The following ANHX variants were observed in gnomAD, a reference collection of about 807,000 sequenced individuals.
ANHX encodes anomalous homeobox.
Under a neutral mutation model 38.9 loss-of-function variants are expected in ANHX, and 20 were observed. The ratio of observed to expected loss-of-function variants is 0.51; its 90% CI spans 0.36 to 0.75. The LOEUF (loss-of-function observed/expected upper bound fraction) is 0.75. ANHX is among the 30% of genes least tolerant of loss of function. The pLI is 0.00. For synonymous variants in ANHX, 185 were observed against 203.1 expected (o/e 0.91, Z 0.76); for missense variants, 475 against 493.1 (o/e 0.96, Z 0.35).
chr12:133,234,292 A>T lies in ANHX; in HGVS notation c.65T>A (p.Val22Glu). 6.5e-7 allele frequency: 1 copy of T among 1,536,158 alleles called. No homozygotes were observed. The highest frequency in any genetic ancestry group is 2.4e-5 in the East Asian group (1 of 40,916). ...EDTCAPPAEL[V>E]TLAGRLCRDF... Reference sequence around the variant, plus strand: ...CCGGCACAGTCTGCCCGCAAGGGTCACCAGCTCCGCCGGGGGTGCACAGGT... The same window carrying T: ...CCGGCACAGTCTGCCCGCAAGGGTCTCCAGCTCCGCCGGGGGTGCACAGGT... The change falls in exon 2 of 10, where the codon GTG (valine) becomes GAG (glutamate). Residue 22 changes from valine (V) to glutamate (E), a missense_variant. Coordinates refer to ENST00000545940, the MANE Select transcript of ANHX (RefSeq NM_001372060.1).
rs180751193 is a variant in ANHX, at chr12:133,229,447, G to C, written c.378-1500C>G. On this transcript the variant is annotated intron_variant, in intron 3 of 9. Coordinates refer to ENST00000545940, the MANE Select transcript of ANHX (RefSeq NM_001372060.1). ...TTTTCCCCAGCTCCTGTGCATCTCA[G>C]TGAAGGAACCCTCATGCTCCTGGTG... Among the ~76,000 whole-genome samples the C allele has an allele frequency of 4.4e-4, 67 of 152,136 alleles. 1 individual carries two copies. Among genetic ancestry groups the C allele is most frequent in the Admixed American group, 4.0e-3 (61 of 15,300 alleles).
intron 7 of ANHX, among the ~76,000 whole-genome samples, chr12:133,222,494 T>C (rs552091407): frequency 2.0e-5 from 3 of 152,300 alleles, no homozygotes; most frequent in African/African-American, 2.4e-5. Flanking sequence ...CCCCCCTCAC[T>C]TGAGCAGGCT....
chr12:133,234,165 C>T lies in ANHX; in HGVS notation c.192G>A (p.Ala64=), dbSNP rs531926437. Reference sequence around the variant, plus strand: ...CCTGCTGGTCCAGGACACGGGCGCACGCCAGGGCCACATCTGCGTTGTCCA... The same window carrying T: ...CCTGCTGGTCCAGGACACGGGCGCATGCCAGGGCCACATCTGCGTTGTCCA... The part of the protein sequence containing the change: ...HLLDNADVAL[A]CARVLDQQEQ... Residue 64 remains alanine, a synonymous_variant, in exon 2 of 10, where the codon GCG becomes GCA. Transcript: ENST00000545940. 6.8e-5 allele frequency: 105 copies of T among 1,536,156 alleles called. 1 individual carries two copies. Among genetic ancestry groups the T allele is most frequent in the Admixed American group, 5.1e-4 (26 of 51,010 alleles).
chr12:133,219,063 C>A, intron 9 of ANHX, 92 bp from the exon 10 acceptor site: 1 of 1,218,252 alleles, frequency 8.2e-7, no homozygotes, highest in Non-Finnish European at 1.1e-6. Flanking sequence ...TTGGGAAGAC[C>A]CCCCGCAACC....
chr12:133,235,125 G>A (rs923106105), intron 1 of ANHX: 2 of 152,192 alleles, frequency 1.3e-5, no homozygotes, highest in African/African-American at 4.8e-5. Context: ...ACCCGTTCCC[G>A]GGCTCTAGCG....
At chr12:133,231,489 T>C (rs1455422907) in intron 3 of ANHX, 28 bp downstream of exon 3, 14 of 1,535,808 alleles carry the variant, frequency 9.1e-6, no homozygotes, top group African/African-American at 1.4e-5. Flanking sequence ...CCCCATGAAA[T>C]ATGCACAAGT....
intron 7 of ANHX, among the ~76,000 whole-genome samples, chr12:133,224,789 C>T (rs1343149517): frequency 4.7e-5 from 7 of 150,096 alleles, no homozygotes; most frequent in African/African-American, 7.4e-5. Flanking sequence ...CAGGGTGAAA[C>T]CCCGTCTCTA....
intron 1 of ANHX, chr12:133,234,657 C>T: frequency 2.5e-6 from 1 of 399,410 alleles, no homozygotes. Context: ...CTCCACTGCT[C>T]TGGGCTCAGT....
chr12:133,235,070 C>T (rs1358106765), intron 1 of ANHX: 2 of 148,606 alleles, frequency 1.3e-5, no homozygotes, highest in Non-Finnish European at 3.0e-5. Context: ...GCGAGGGGTT[C>T]TTTCTGCCGT....
At chr12:133,228,037 C>G in intron 3 of ANHX, 90 bp from the exon 4 acceptor site, 1 of 1,448,612 alleles carries the variant, frequency 6.9e-7, no homozygotes, top group Non-Finnish European at 9.2e-7. Context: ...GAAGGTGACA[C>G]TTCCTTCCCT....
Position 133,218,529 on chromosome 12 carries a change from T to C in ANHX, c.*356A>G, listed in dbSNP as rs1459961509. ...AACTTGGTGGAAAAGTCTGGCTGTG[T>C]GCACGGGCAGACGGCAAGGCAGCCA... On this transcript the variant is annotated 3_prime_UTR_variant, in exon 10 of 10. Coordinates refer to ENST00000545940, the MANE Select transcript of ANHX (RefSeq NM_001372060.1). 1.7e-5 allele frequency: 3 copies of C among 177,114 alleles called. No individual in the cohort carries two copies. In the East Asian group the frequency reaches 4.5e-4, roughly 26 times the overall value. The allele number at this position is 177,114 out of a possible 1,614,324, so 11.0% of individuals were successfully genotyped here.
At chr12:133,219,491 ACT>A (rs1593951643) in intron 8 of ANHX, 124 bp from the exon 9 acceptor site, 2 of 645,746 alleles carry the variant, frequency 3.1e-6, no homozygotes, top group African/African-American at 1.8e-5. Context: ...ATCAGAACAG[ACT>A]CTCTTCCTGC....
At chr12:133,235,080 T>A (rs1957347118) in intron 1 of ANHX, 1 of 145,730 alleles carries the variant, frequency 6.9e-6, no homozygotes, top group African/African-American at 2.5e-5. Flanking sequence ...CTTTCTGCCG[T>A]GCGCCCGCCA....
chr12:133,230,306 C>CCTGAAGACCCCACAG (rs1351866073), intron 3 of ANHX, among the ~76,000 whole-genome samples: 6 of 152,236 alleles, frequency 3.9e-5, no homozygotes, highest in Non-Finnish European at 7.3e-5. Flanking sequence ...AATCACATCC[C>CCTGAAGACCCCACAG]CTGAAGACCC....
At position 133,227,045 on chromosome 12, in the gene ANHX, C is replaced by T; in HGVS notation, c.609G>A (p.Gln203=). The T allele has an allele frequency of 2.6e-6, 4 of 1,536,062 alleles. No individual in the cohort carries two copies. Among genetic ancestry groups the T allele is most frequent in the Non-Finnish European group, 3.5e-6 (4 of 1,146,846 alleles). The change falls in exon 5 of 10, where the codon CAG becomes CAA. Residue 203 remains glutamine (Q), a synonymous_variant. Coordinates refer to ENST00000545940, the MANE Select transcript of ANHX (RefSeq NM_001372060.1). ...RALPQHMKPA[Q]QATAEDPGAR... Reference sequence around the variant, plus strand: ...CACCAGGGTCTTCAGCTGTGGCCTGCTGGGCTGGCTTCATGTGCTGGGGAA... The same window carrying T: ...CACCAGGGTCTTCAGCTGTGGCCTGTTGGGCTGGCTTCATGTGCTGGGGAA...
rs1311778579 is a variant in ANHX, at chr12:133,221,235, AGTGGGGGCT to A, written c.1241_1249del (p.Gln414_Pro416del). The A allele has an allele frequency of 3.9e-6, 6 of 1,535,912 alleles. No homozygotes were observed. The Admixed American group carries it at 1.2e-4, about 30-fold the overall frequency. The stretch of plus-strand genomic sequence containing the variant: ...GGTGAGGATGAATTCAGGAGCTTGC[AGTGGGGGCT>A]GTGTCACCAGGAAGCTGCCCACCCG... On this transcript the variant is annotated inframe_deletion, in exon 8 of 10. Transcript: ENST00000545940. This position sits in a 1 kb window ranked among gnomAD's most constrained non-coding sequence, Gnocchi z 4.1.
At chr12:133,235,123 C>G (rs1257394249) in intron 1 of ANHX, 1 of 152,262 alleles carries the variant, frequency 6.6e-6, no homozygotes, top group Non-Finnish European at 1.5e-5. Flanking sequence ...CCACCCGTTC[C>G]CGGGCTCTAG....
chr12:133,228,038 T>G, intron 3 of ANHX, 91 bp from the exon 4 acceptor site: 3 of 1,414,772 alleles, frequency 2.1e-6, no homozygotes, highest in Non-Finnish European at 2.8e-6. Context: ...AAGGTGACAC[T>G]TCCTTCCCTG....
chr12:133,226,437 C>T lies in ANHX; in HGVS notation c.720G>A (p.Glu240=), dbSNP rs1168710911. The stretch of plus-strand genomic sequence containing the variant: ...GTGGAGGCCCCTTTTCCTCACGTTC[C>T]TCTGAAAGTGATGAGATGGGAGGGG... ...SGFVDRPQWS[E]EREEKGPPQS... Residue 240 remains glutamate (E), a splice_region_variant and synonymous_variant, in exon 6 of 10, where the codon GAG becomes GAA. Coordinates refer to ENST00000545940, the MANE Select transcript of ANHX (RefSeq NM_001372060.1). The T allele has an allele frequency of 1.3e-6, 2 of 1,533,170 alleles. No individual in the cohort carries two copies. The highest frequency in any genetic ancestry group is 1.2e-5 in the South Asian group (1 of 83,914). The allele number at this position is 1,533,170 out of a possible 1,614,324, so 95.0% of individuals were successfully genotyped here.
Sources: allele counts gnomAD v4.1 joint callset (sites outside exome capture counted in the v4.1 genomes callset), GRCh38; gene constraint gnomAD v4.1.1; non-coding constraint Gnocchi (gnomAD v3.1); transcripts MANE v1.5; gene names NCBI Gene and HGNC (gene_info 2026-07-23, HGNC 2026-07-21).